The following THSD7B variants were observed in gnomAD, a reference collection of about 807,000 sequenced individuals.
THSD7B encodes the protein thrombospondin type-1 domain-containing protein 7B.
In THSD7B, 138 loss-of-function variants were observed where a neutral mutation model predicts 213.6. The ratio of observed to expected loss-of-function variants is 0.65; its 90% CI spans 0.56 to 0.74. The LOEUF (loss-of-function observed/expected upper bound fraction) is 0.74, where lower values mean the gene tolerates loss of function less well. Ranked by LOEUF, THSD7B falls within the 30% of genes least tolerant of loss-of-function variation. THSD7B has a pLI of 0.00. For synonymous variants in THSD7B, 742 were observed against 687.0 expected (o/e 1.08, Z -1.25); for missense variants, 1,931 against 1,991.5 (o/e 0.97, Z 0.58).
intron 12 of THSD7B, among the ~76,000 whole-genome samples, chr2:137,302,158 G>C (rs955979639): frequency 2.0e-5 from 3 of 152,080 alleles, no homozygotes; most frequent in Middle Eastern, 3.2e-3. Flanking sequence ...GATATAATTT[G>C]GGTGGTCATC....
rs370771578 is a variant in THSD7B at position 137,405,671 on chromosome 2, G to C, written c.2559G>C (p.Gln853His). Residue 853 changes from glutamine to histidine, a missense_variant, in exon 13 of 28, where the codon CAG becomes CAC. Gln to His is a conservative substitution (Grantham distance 24). Coordinates refer to ENST00000409968, the MANE Select transcript of THSD7B (RefSeq NM_001316349.2). The stretch of plus-strand genomic sequence containing the variant: ...CAGAAATGATGGAATGCCTCAAGCA[G>C]ACAAACGGCATGCCTCTCCTTGTGC... Reference protein sequence around the residue: ...RSAEMMECLKQTNGMPLLVQE... With the variant: ...RSAEMMECLKHTNGMPLLVQE... 49 of 1,613,502 alleles carry C rather than the reference G, an allele frequency of 3.0e-5. No homozygotes were observed. The African/African-American group carries it at 6.1e-4, about 20-fold the overall frequency.
chr2:137,628,333 T>A (rs959923254), intron 20 of THSD7B, among the ~76,000 whole-genome samples: 1 of 152,208 alleles, frequency 6.6e-6, no homozygotes, highest in Non-Finnish European at 1.5e-5. Flanking sequence ...TCTGATCAAG[T>A]GTTTTTATAT....
intron 1 of THSD7B, among the ~76,000 whole-genome samples, chr2:136,860,386 C>T (rs1161683384): frequency 3.9e-5 from 6 of 152,228 alleles, no homozygotes; most frequent in South Asian, 2.1e-4. Context: ...CTCTAAACTC[C>T]AGGCTTGTGT....
chr2:137,024,082 T>C (rs1686498946), intron 2 of THSD7B, among the ~76,000 whole-genome samples: 1 of 152,148 alleles, frequency 6.6e-6, no homozygotes, highest in Admixed American at 6.6e-5. Flanking sequence ...TGTTGAAAAG[T>C]CCCTCCTTGG....
intron 12 of THSD7B, among the ~76,000 whole-genome samples, chr2:137,391,004 GTGT>G (rs895933330): frequency 5.9e-5 from 9 of 151,876 alleles, no homozygotes; most frequent in Non-Finnish European, 7.4e-5. Flanking sequence ...GTGTGTGTGT[GTGT>G]TGTTGTTGTT....
intron 1 of THSD7B, among the ~76,000 whole-genome samples, chr2:136,876,465 C>T (rs1477200891): frequency 6.6e-6 from 1 of 152,150 alleles, no homozygotes; most frequent in Non-Finnish European, 1.5e-5. Flanking sequence ...CAGAATTAAC[C>T]ACCCATTTGT....
At chr2:136,955,903 C>T (rs1287273245) in intron 2 of THSD7B, among the ~76,000 whole-genome samples, 6 of 151,984 alleles carry the variant, frequency 3.9e-5, no homozygotes, top group African/African-American at 1.2e-4. Flanking sequence ...CCACCCACCT[C>T]GGCCTCCCAA....
At chr2:137,586,029 G>C (rs1681717331) in intron 17 of THSD7B, among the ~76,000 whole-genome samples, 1 of 143,052 alleles carries the variant, frequency 7.0e-6, no homozygotes, top group Non-Finnish European at 1.5e-5. Flanking sequence ...CCTGTATTGG[G>C]TGCATTATAT....
At chr2:137,070,856 T>C (rs1687470963) in intron 3 of THSD7B, among the ~76,000 whole-genome samples, 1 of 142,106 alleles carries the variant, frequency 7.0e-6, no homozygotes, top group Admixed American at 7.1e-5. Flanking sequence ...AATGATGGTT[T>C]CCAGTTTCAT....
intron 17 of THSD7B, among the ~76,000 whole-genome samples, chr2:137,585,887 A>G (rs1378113652): frequency 6.6e-6 from 1 of 152,080 alleles, no homozygotes; most frequent in African/African-American, 2.4e-5. Context: ...CAATTCCTGG[A>G]TATCCCTGTT....
At chr2:136,920,324 GGGA>G (rs952523955) in intron 2 of THSD7B, among the ~76,000 whole-genome samples, 1 of 152,220 alleles carries the variant, frequency 6.6e-6, no homozygotes, top group African/African-American at 2.4e-5. Flanking sequence ...GCTCTCAGCA[GGGA>G]GGAGACCTGT....
intron 17 of THSD7B, among the ~76,000 whole-genome samples, chr2:137,589,423 A>G (rs191465856): frequency 9.2e-4 from 140 of 152,326 alleles, no homozygotes; most frequent in Non-Finnish European, 1.1e-3. Context: ...AGCAATTTAT[A>G]TCTACATTTT....
chr2:137,675,403 CATATATATATATAT>C (rs55940004), intron 27 of THSD7B, among the ~76,000 whole-genome samples: 3,724 of 116,488 alleles, frequency 0.032, 173 homozygotes, highest in African/African-American at 0.11. Flanking sequence ...AAATGAATGC[CATATATATATATAT>C]ATATATATAT....
chr2:137,085,930 C>T (rs1396650888), intron 3 of THSD7B, among the ~76,000 whole-genome samples: 1 of 152,150 alleles, frequency 6.6e-6, no homozygotes, highest in African/African-American at 2.4e-5. Context: ...TATAAAACCA[C>T]CAACAGACTA....
At chr2:136,856,474 C>G (rs537289935) in intron 1 of THSD7B, among the ~76,000 whole-genome samples, 1 of 151,718 alleles carries the variant, frequency 6.6e-6, no homozygotes, top group Non-Finnish European at 1.5e-5. Context: ...GGTCAATTTA[C>G]TTAGCTCTTG....
At chr2:137,588,690 A>T (rs1287326960) in intron 17 of THSD7B, among the ~76,000 whole-genome samples, 2 of 151,978 alleles carry the variant, frequency 1.3e-5, no homozygotes, top group Admixed American at 1.3e-4. Flanking sequence ...TTTTTATCAC[A>T]TAATAATGTG....
intron 15 of THSD7B, among the ~76,000 whole-genome samples, chr2:137,557,213 C>A (rs1433941815): frequency 2.0e-5 from 3 of 152,192 alleles, no homozygotes; most frequent in African/African-American, 4.8e-5. Context: ...CTACAGAACT[C>A]TCCACCCCAA....
rs1260352260 is a variant in THSD7B at position 137,057,210 on chromosome 2, T to G, written c.930T>G (p.Asp310Glu). ...GGCAGGTTTCGTGTACAAGAAGTGA[T>G]GGACAAAATGCTATGTTAAGGTAGG... ...QTRQVSCTRSDGQNAMLSLCL... is the reference protein window; with the variant it reads ...QTRQVSCTRSEGQNAMLSLCL... The change falls in exon 3 of 28, where the codon GAT becomes GAG. Residue 310 changes from aspartate (D) to glutamate (E), a missense_variant. Asp to Glu is a conservative substitution (Grantham distance 45). Coordinates refer to ENST00000409968, the MANE Select transcript of THSD7B (RefSeq NM_001316349.2). The G allele has an allele frequency of 6.2e-7, 1 of 1,612,448 alleles. No homozygotes were observed. Among genetic ancestry groups the G allele is most frequent in the Non-Finnish European group, 8.5e-7 (1 of 1,178,946 alleles).
At chr2:137,271,699 C>CT (rs1328500752) in intron 10 of THSD7B, among the ~76,000 whole-genome samples, 2 of 151,704 alleles carry the variant, frequency 1.3e-5, no homozygotes, top group African/African-American at 4.8e-5. Flanking sequence ...ATGTCTGCCC[C>CT]TTTTCTTCTT....
Sources: allele counts gnomAD v4.1 joint callset (sites outside exome capture counted in the v4.1 genomes callset), GRCh38; gene constraint gnomAD v4.1.1; transcripts MANE v1.5; gene names NCBI Gene and HGNC (gene_info 2026-07-23, HGNC 2026-07-21).